PCDH9: variants seen among roughly 807,000 people sequenced by gnomAD.
PCDH9 encodes the protein protocadherin-9.
Under a neutral mutation model 70.6 loss-of-function variants are expected in PCDH9, and 24 were observed. The ratio of observed to expected loss-of-function variants is 0.34; its 90% CI spans 0.25 to 0.48. PCDH9 has a LOEUF of 0.48. Among genes scored for constraint, PCDH9 ranks in the 20% least tolerant of loss-of-function variants. The probability of loss-of-function intolerance (pLI) is 0.99; values close to 1 mark genes in which losing one functional copy is unlikely to be tolerated. For missense variants in PCDH9, 1,281 were observed against 1,503.6 expected (o/e 0.85, Z 2.45); for synonymous variants, 562 against 558.5 (o/e 1.01, Z -0.09).
intron 3 of PCDH9, among the ~76,000 whole-genome samples, chr13:66,779,845 C>CTATA (rs1395028159): frequency 6.5e-3 from 275 of 42,512 alleles, no homozygotes; most frequent in East Asian, 0.041. Flanking sequence ...CTCTCTCTCT[C>CTATA]TCTCTATATA....
intron 4 of PCDH9, among the ~76,000 whole-genome samples, chr13:66,582,149 G>A (rs888122041): frequency 6.6e-6 from 1 of 151,970 alleles, no homozygotes; most frequent in African/African-American, 2.4e-5. Context: ...ATTGCATTCT[G>A]TTCTCTTAAA....
rs140058023 is a variant in PCDH9 at position 66,346,630 on chromosome 13, C to T, written c.3341-41602G>A. 4.1e-3 allele frequency among the ~76,000 whole-genome samples: 617 copies of T among 152,240 alleles called. 6 individuals carry two copies. The highest frequency in any genetic ancestry group is 0.014 in the African/African-American group (588 of 41,530). On this transcript the variant is annotated intron_variant, in intron 4 of 4. Coordinates refer to ENST00000377865, the MANE Select transcript of PCDH9 (RefSeq NM_203487.3). ...ATTCTATGGCCTATGGCTGGTAGAG[C>T]AGCCTGGGTATCTAGGATACTTCTG... is the stretch of plus-strand genomic sequence containing the variant.
chr13:66,315,125 C>T (rs111598025), intron 4 of PCDH9, among the ~76,000 whole-genome samples: 1 of 152,110 alleles, frequency 6.6e-6, no homozygotes, highest in South Asian at 2.1e-4. Flanking sequence ...TGAGGGCAGC[C>T]CCCCACTGGG....
chr13:66,669,747 T>A (rs997658435), intron 3 of PCDH9, among the ~76,000 whole-genome samples: 1 of 152,192 alleles, frequency 6.6e-6, no homozygotes, highest in African/African-American at 2.4e-5. Flanking sequence ...CTTTTAACCA[T>A]CAGGCTTATT....
At chr13:67,229,670 T>C (rs759940615) in intron 1 of PCDH9, 110 bp downstream of exon 1, 2 of 152,096 alleles carry the variant, frequency 1.3e-5, no homozygotes, top group Non-Finnish European at 2.9e-5. Context: ...TACAGCCGAG[T>C]AGGTGAGCTC....
At chr13:66,529,191 C>A (rs1027220077) in intron 4 of PCDH9, among the ~76,000 whole-genome samples, 1 of 152,068 alleles carries the variant, frequency 6.6e-6, no homozygotes, top group Non-Finnish European at 1.5e-5. Context: ...TAGGACAAAT[C>A]AGTGTCAGAT....
At chr13:66,866,783 C>T (rs925402143) in intron 3 of PCDH9, among the ~76,000 whole-genome samples, 1 of 152,102 alleles carries the variant, frequency 6.6e-6, no homozygotes, top group Non-Finnish European at 1.5e-5. Flanking sequence ...GGAGACAGAG[C>T]GAGATTCTGT....
chr13:66,926,095 G>A (rs1238007493), intron 2 of PCDH9, among the ~76,000 whole-genome samples: 1 of 151,830 alleles, frequency 6.6e-6, no homozygotes, highest in East Asian at 1.9e-4. Flanking sequence ...TTTTTTAAAT[G>A]ATTTCTCCTG....
Position 66,927,010 on chromosome 13 carries a change from T to C in PCDH9, c.3037-23405A>G, listed in dbSNP as rs151220587. On this transcript the variant is annotated intron_variant, in intron 2 of 4. Transcript: ENST00000377865. ...TCCGGTCTCACTGTTTTTCTTTGAC[T>C]CTCAGATGGTCATTATTCCAAGGAA... Among the ~76,000 whole-genome samples the C allele has an allele frequency of 2.3e-3, 351 of 152,194 alleles. 1 individual carries two copies. Among genetic ancestry groups the C allele is most frequent in the African/African-American group, 7.5e-3 (313 of 41,528 alleles).
chr13:66,899,473 T>C lies in PCDH9; in HGVS notation c.3138+4031A>G, dbSNP rs549530465. On this transcript the variant is annotated intron_variant, in intron 3 of 4. Transcript: ENST00000377865. ...GGAGAAGTCCTATCTCAAAAATTCA[T>C]ACACTGAACACTAAACCATTTTGTA... is the stretch of plus-strand genomic sequence containing the variant. 6.6e-5 allele frequency among the ~76,000 whole-genome samples: 10 copies of C among 152,160 alleles called. No homozygotes were observed. In the Middle Eastern group the frequency reaches 0.01, roughly 155 times the overall value.
At chr13:66,554,052 G>C (rs1961614005) in intron 4 of PCDH9, among the ~76,000 whole-genome samples, 1 of 152,054 alleles carries the variant, frequency 6.6e-6, no homozygotes, top group Non-Finnish European at 1.5e-5. Context: ...ATGTCAATAG[G>C]ACATTTCAAA....
At chr13:67,219,672 G>A (rs772364619) in intron 2 of PCDH9, 30 of 151,894 alleles carry the variant, frequency 2.0e-4, no homozygotes, top group Non-Finnish European at 4.1e-4. Flanking sequence ...TAATAAATCT[G>A]ATATAATGGT....
intron 4 of PCDH9, among the ~76,000 whole-genome samples, chr13:66,600,345 A>G (rs546105691): frequency 3.4e-4 from 51 of 151,960 alleles, no homozygotes; most frequent in African/African-American, 1.2e-3. Context: ...CTACTGAGGA[A>G]TTGTCTCACA....
chr13:66,589,293 G>GT (rs1315314672), intron 4 of PCDH9, among the ~76,000 whole-genome samples: 1 of 151,956 alleles, frequency 6.6e-6, no homozygotes, highest in Non-Finnish European at 1.5e-5. Flanking sequence ...CTAGATAGAA[G>GT]GAATTAATAC....
In PCDH9 at chr13:66,530,511, C is replaced by T. The variant is rs115504922; in HGVS notation, c.3340+100699G>A. 7.9e-4 allele frequency among the ~76,000 whole-genome samples: 120 copies of T among 151,724 alleles called. 3 individuals are homozygous for T. The South Asian group carries it at 9.4e-3, about 12-fold the overall frequency. ...GTATCTTTTTTTATTCTTAACAGAACTATGACATTAAATAGGAAAAGATAA... is the reference window on the plus strand; with the variant it reads ...GTATCTTTTTTTATTCTTAACAGAATTATGACATTAAATAGGAAAAGATAA... On this transcript the variant is annotated intron_variant, in intron 4 of 4. Coordinates refer to ENST00000377865, the MANE Select transcript of PCDH9 (RefSeq NM_203487.3).
At chr13:67,208,371 T>C (rs1461192973) in intron 2 of PCDH9, 3 of 152,090 alleles carry the variant, frequency 2.0e-5, no homozygotes, top group Non-Finnish European at 4.4e-5. Flanking sequence ...GACCATATAT[T>C]TGTTGGATGA....
chr13:66,312,353 T>C (rs1955576330), intron 4 of PCDH9, among the ~76,000 whole-genome samples: 1 of 152,194 alleles, frequency 6.6e-6, no homozygotes, highest in African/African-American at 2.4e-5. Context: ...AATCAATCTA[T>C]TGTTCAGATA....
At chr13:66,527,598 G>C (rs893589115) in intron 4 of PCDH9, among the ~76,000 whole-genome samples, 7 of 152,010 alleles carry the variant, frequency 4.6e-5, no homozygotes, top group African/African-American at 1.4e-4. Context: ...AGTTCCGTAT[G>C]GTTGAAACTC....
At chr13:66,725,517 A>G (rs2078995023) in intron 3 of PCDH9, among the ~76,000 whole-genome samples, 1 of 151,994 alleles carries the variant, frequency 6.6e-6, no homozygotes, top group Non-Finnish European at 1.5e-5. Flanking sequence ...TCTCCTAGTT[A>G]CCTCCCAGCG....
Sources: gnomAD v4.1 joint callset for allele counts (sites outside exome capture counted in the v4.1 genomes callset) on GRCh38, gnomAD v4.1.1 for gene constraint, MANE v1.5 for transcripts, NCBI Gene and HGNC (gene_info 2026-07-23, HGNC 2026-07-21) for gene names.